Variants in USH2A observed in about 807,000 individuals in gnomAD.
USH2A encodes Usher syndrome 2A (autosomal recessive, mild).
Under a neutral mutation model 538.9 loss-of-function variants are expected in USH2A, and 443 were observed. The observed-to-expected ratio is 0.82, with a 90% CI of 0.76 to 0.89. The LOEUF (loss-of-function observed/expected upper bound fraction) is 0.89, where lower values mean the gene tolerates loss of function less well. Among genes scored for constraint, USH2A ranks in the 40% least tolerant of loss-of-function variants. The pLI is 0.00. For missense variants in USH2A, 6,633 were observed against 6,324.8 expected, an observed-to-expected ratio of 1.05 and a Z score of -1.65; for synonymous variants, 2,413 against 2,273.5, an observed-to-expected ratio of 1.06 and a Z score of -1.75.
chr1:215,662,695 TA>T (rs1657481274), intron 64 of USH2A, among the ~76,000 whole-genome samples: 1 of 152,174 alleles, frequency 6.6e-6, no homozygotes, highest in South Asian at 2.1e-4. Flanking sequence ...AGTTTTAGAA[TA>T]AATACACTGC....
Position 215,813,876 on chromosome 1 carries a change from G to T in USH2A, c.9599C>A (p.Pro3200His). Residue 3200 changes from proline to histidine, a missense_variant, in exon 49 of 72, where the codon CCC becomes CAC. Coordinates refer to ENST00000307340, the MANE Select transcript of USH2A (RefSeq NM_206933.4). ...TTCACAACAGCGATGTCCAGGCTTGGGGTTATAGAGCACTCCGTTACAACA... is the reference window on the plus strand; with the variant it reads ...TTCACAACAGCGATGTCCAGGCTTGTGGTTATAGAGCACTCCGTTACAACA... Reference protein sequence around the residue: ...KVCCNGVLYNPKPGHRCCEEK... With the variant: ...KVCCNGVLYNHKPGHRCCEEK... 6.2e-7 allele frequency: 1 copy of T among 1,613,694 alleles called. No individual in the cohort carries two copies. The highest frequency in any genetic ancestry group is 1.3e-5 in the African/African-American group (1 of 74,938).
chr1:216,258,674 C>T (rs2036304244), intron 11 of USH2A, among the ~76,000 whole-genome samples: 1 of 152,066 alleles, frequency 6.6e-6, no homozygotes, highest in African/African-American at 2.4e-5. Flanking sequence ...GTAAGATTCA[C>T]ATAATTTATT....
chr1:215,700,770 A>G (rs866220755), intron 61 of USH2A, among the ~76,000 whole-genome samples: 1 of 152,076 alleles, frequency 6.6e-6, no homozygotes, highest in South Asian at 2.1e-4. Flanking sequence ...TCCTGGATTT[A>G]TCGATTTTTT....
At chr1:216,232,898 T>C (rs1301881270) in intron 13 of USH2A, among the ~76,000 whole-genome samples, 3 of 152,188 alleles carry the variant, frequency 2.0e-5, no homozygotes, top group African/African-American at 7.2e-5. Context: ...ATTCTGTCAA[T>C]TGGAAAACAG....
At chr1:216,245,482 AG>A (rs1263947654) in intron 13 of USH2A, among the ~76,000 whole-genome samples, 4 of 123,860 alleles carry the variant, frequency 3.2e-5, no homozygotes, top group African/African-American at 1.1e-4. Context: ...AGAGAGAGAG[AG>A]AGAGAGAGAG....
Position 215,680,296 on chromosome 1 carries a change from T to C in USH2A, c.12147A>G (p.Ala4049=), listed in dbSNP as rs1405441277. The change falls in exon 62 of 72, where the codon GCA becomes GCG. Residue 4049 remains alanine (A), a synonymous_variant. Coordinates refer to ENST00000307340, the MANE Select transcript of USH2A (RefSeq NM_206933.4). ...GAGTCCAAGGGCTTAAAATTTCTCCTGCATGGTTTGCAGCCACAACACCAA... is the reference window on the plus strand; with the variant it reads ...GAGTCCAAGGGCTTAAAATTTCTCCCGCATGGTTTGCAGCCACAACACCAA... ...YRIGVVAANH[A]GEILSPWTLI... is the part of the protein sequence containing the mutation. The C allele has an allele frequency of 6.2e-7, 1 of 1,614,166 alleles. No individual in the cohort carries two copies. Among genetic ancestry groups the C allele is most frequent in the African/African-American group, 1.3e-5 (1 of 75,048 alleles).
Position 215,970,618 on chromosome 1 carries a change from T to C in USH2A, c.6957+7A>G. On this transcript the variant is annotated splice_region_variant and intron_variant, in intron 36 of 71. Coordinates refer to ENST00000307340, the MANE Select transcript of USH2A (RefSeq NM_206933.4). Reference sequence around the variant, plus strand: ...CACATTCCTAGAATGTAAATTTAGATACTCACCAGTGGGCCCAGAGCACAA... The same window carrying C: ...CACATTCCTAGAATGTAAATTTAGACACTCACCAGTGGGCCCAGAGCACAA... The C allele has an allele frequency of 2.5e-6, 4 of 1,613,556 alleles. No homozygotes were observed. Among genetic ancestry groups the C allele is most frequent in the Non-Finnish European group, 3.4e-6 (4 of 1,179,658 alleles).
chr1:215,700,207 G>A (rs375968882), intron 61 of USH2A, among the ~76,000 whole-genome samples: 7 of 152,238 alleles, frequency 4.6e-5, no homozygotes, highest in African/African-American at 1.4e-4. Flanking sequence ...GATTTGATTT[G>A]CCAGTATTTT....
intron 3 of USH2A, among the ~76,000 whole-genome samples, chr1:216,393,686 G>A (rs1045678159): frequency 3.3e-5 from 5 of 152,042 alleles, no homozygotes; most frequent in East Asian, 1.9e-4. Flanking sequence ...ACTCAGTCAC[G>A]TTCAGCCTAT....
intron 3 of USH2A, among the ~76,000 whole-genome samples, chr1:216,372,545 A>C (rs1016599080): frequency 6.6e-6 from 1 of 152,172 alleles, no homozygotes; most frequent in African/African-American, 2.4e-5. Context: ...TTGATCTTTA[A>C]AAATTTAACA....
chr1:216,114,436 A>G (rs2032953306), intron 21 of USH2A, among the ~76,000 whole-genome samples: 1 of 152,130 alleles, frequency 6.6e-6, no homozygotes, highest in Admixed American at 6.6e-5. Flanking sequence ...GTAAAAATTG[A>G]TATCATTTTT....
At chr1:216,340,602 C>T (rs945968120) in intron 4 of USH2A, among the ~76,000 whole-genome samples, 1 of 151,674 alleles carries the variant, frequency 6.6e-6, no homozygotes, top group African/African-American at 2.4e-5. Flanking sequence ...CGAAAATCCT[C>T]AATAAAATAC....
At chr1:215,707,967 C>T (rs1318605391) in intron 61 of USH2A, among the ~76,000 whole-genome samples, 3 of 152,056 alleles carry the variant, frequency 2.0e-5, no homozygotes, top group African/African-American at 4.8e-5. Flanking sequence ...TTGCATCATT[C>T]AATGCAACAT....
intron 46 of USH2A, among the ~76,000 whole-genome samples, chr1:215,841,897 C>A (rs956746874): frequency 6.6e-6 from 1 of 152,034 alleles, no homozygotes; most frequent in Non-Finnish European, 1.5e-5. Context: ...TGAACAGACA[C>A]GTCTCCAAAG....
intron 9 of USH2A, among the ~76,000 whole-genome samples, chr1:216,319,507 A>G (rs982510039): frequency 2.0e-5 from 3 of 152,308 alleles, no homozygotes; most frequent in African/African-American, 7.2e-5. Flanking sequence ...AAAGAAAACC[A>G]TAAAAGATTT....
intron 61 of USH2A, among the ~76,000 whole-genome samples, chr1:215,697,527 A>AT (rs66534325): frequency 0.62 from 93,888 of 151,540 alleles, 29,515 homozygotes; most frequent in East Asian, 0.9. Context: ...TTTTATTTAT[A>AT]TTTTTTTTGT....
chr1:216,355,003 C>A (rs970094770), intron 4 of USH2A, among the ~76,000 whole-genome samples: 1 of 151,892 alleles, frequency 6.6e-6, no homozygotes, highest in African/African-American at 2.4e-5. Context: ...ATCTTAACAG[C>A]ATCAAGTGGA....
At chr1:215,725,842 C>A (rs977355612) in intron 61 of USH2A, among the ~76,000 whole-genome samples, 3 of 152,070 alleles carry the variant, frequency 2.0e-5, no homozygotes, top group African/African-American at 7.2e-5. Context: ...TTTTCAGAAG[C>A]TTTTTAGTGT....
At position 215,844,481 on chromosome 1, in the gene USH2A, A is replaced by T. The variant is rs111033456; in HGVS notation, c.9071T>A (p.Leu3024His). ...TTCDGEPQGM[L>H]PPEVVIINST... ...GTTGATGATGACAACCTCTGGAGGAAGCATGCCCTGAGGCTCTAGAATTAA... is the reference window on the plus strand; with the variant it reads ...GTTGATGATGACAACCTCTGGAGGATGCATGCCCTGAGGCTCTAGAATTAA... Residue 3024 changes from leucine to histidine, a missense_variant, in exon 46 of 72, where the codon CTT (leucine) becomes CAT (histidine). By Grantham distance (99) the Leu-to-His change is moderately conservative. Coordinates refer to ENST00000307340, the MANE Select transcript of USH2A (RefSeq NM_206933.4). The T allele has an allele frequency of 2.9e-5, 47 of 1,610,260 alleles. No individual in the cohort carries two copies. In the Middle Eastern group the frequency reaches 9.9e-4, roughly 34 times the overall value.
Sources: gnomAD v4.1 joint callset for allele counts (sites outside exome capture counted in the v4.1 genomes callset) on GRCh38, gnomAD v4.1.1 for gene constraint, MANE v1.5 for transcripts, NCBI Gene and HGNC (gene_info 2026-07-23, HGNC 2026-07-21) for gene names.